Variants in CRACR2A observed in about 807,000 individuals in gnomAD.
The protein encoded by CRACR2A is EF-hand calcium-binding domain-containing protein 4B.
Under a neutral mutation model 90.5 loss-of-function variants are expected in CRACR2A, and 79 were observed. That is an observed-to-expected ratio of 0.87 (90% CI 0.73 to 1.05). The LOEUF is 1.05. CRACR2A is among the 50% of genes least tolerant of loss of function. The pLI, the probability that CRACR2A is intolerant of heterozygous loss-of-function variation, is 0.00. For synonymous variants in CRACR2A, 338 were observed against 356.7 expected (o/e 0.95, Z 0.59); for missense variants, 823 against 897.2 (o/e 0.92, Z 1.06).
chr12:3,752,544 C>T (rs1229246667), intron 1 of CRACR2A: 3 of 152,518 alleles, frequency 2.0e-5, no homozygotes, highest in Non-Finnish European at 2.9e-5. Flanking sequence ...GTCTTTCTGA[C>T]TGTCTGTCTC....
At chr12:3,655,400 C>A (rs1944883659) in intron 9 of CRACR2A, among the ~76,000 whole-genome samples, 1 of 152,198 alleles carries the variant, frequency 6.6e-6, no homozygotes, top group East Asian at 1.9e-4. Flanking sequence ...AAATTCATAG[C>A]TTGGGTAGCA....
intron 17 of CRACR2A, 97 bp from the exon 18 acceptor site, chr12:3,619,469 A>G: frequency 1.1e-6 from 1 of 905,044 alleles, no homozygotes; most frequent in African/African-American, 1.7e-5. Context: ...ACCTCGCTTG[A>G]GAATCCCCTG....
intron 1 of CRACR2A, among the ~76,000 whole-genome samples, chr12:3,744,763 G>T (rs571550824): frequency 1.1e-4 from 16 of 152,140 alleles, no homozygotes; most frequent in Non-Finnish European, 2.2e-4. Context: ...ACATCTGATG[G>T]TGAGGCCATT....
intron 4 of CRACR2A, among the ~76,000 whole-genome samples, chr12:3,686,095 T>C (rs544586350): frequency 2.0e-5 from 3 of 152,190 alleles, no homozygotes; most frequent in Non-Finnish European, 4.4e-5. Flanking sequence ...AACTGTAGCC[T>C]AGAGGGGTTA....
intron 10 of CRACR2A, among the ~76,000 whole-genome samples, chr12:3,653,046 G>A (rs867281424): frequency 2.6e-5 from 4 of 151,842 alleles, no homozygotes; most frequent in South Asian, 2.1e-4. Context: ...GCAGTGGCAC[G>A]ATCTTGGCTC....
chr12:3,729,483 T>C (rs1591716928), intron 2 of CRACR2A: 1 of 152,186 alleles, frequency 6.6e-6, no homozygotes, highest in South Asian at 2.1e-4. Flanking sequence ...GGCAGGCAGG[T>C]CATGAGGTCA....
In CRACR2A at chr12:3,746,679, C is replaced by T. The variant is rs1322095314; in HGVS notation, c.-387+6336G>A. Among the ~76,000 whole-genome samples the T allele has an allele frequency of 2.0e-5, 3 of 152,226 alleles. No homozygotes were observed. The highest frequency in any genetic ancestry group is 7.2e-5 in the African/African-American group (3 of 41,454). ...CCACCCCTCTCTTCTTAGACCAGAC[C>T]CCCTGCAGGACCCTTTGCTGGCACA... On this transcript the variant is annotated intron_variant, in intron 1 of 19. Coordinates refer to ENST00000440314, the MANE Select transcript of CRACR2A (RefSeq NM_001144958.2). The surrounding 1 kb of genome is among the most constrained non-coding windows in gnomAD (Gnocchi z 4.4).
intron 4 of CRACR2A, among the ~76,000 whole-genome samples, chr12:3,696,043 T>A (rs1945734244): frequency 6.6e-6 from 1 of 152,252 alleles, no homozygotes; most frequent in African/African-American, 2.4e-5. Flanking sequence ...CAGTACTTGG[T>A]GACACATGGA....
At chr12:3,701,022 T>A (rs1422844757) in intron 3 of CRACR2A, among the ~76,000 whole-genome samples, 1 of 151,980 alleles carries the variant, frequency 6.6e-6, no homozygotes, top group Non-Finnish European at 1.5e-5. Flanking sequence ...CTGACCACAA[T>A]GGAATTACAT....
At chr12:3,708,510 C>T (rs140539742) in intron 3 of CRACR2A, among the ~76,000 whole-genome samples, 3,748 of 152,218 alleles carry the variant, frequency 0.025, 199 homozygotes, top group Admixed American at 0.14. Context: ...CTACAAGCTC[C>T]GCCTCCCGGG....
intron 2 of CRACR2A, among the ~76,000 whole-genome samples, chr12:3,718,215 C>A (rs886253229): frequency 6.6e-6 from 1 of 152,214 alleles, no homozygotes; most frequent in African/African-American, 2.4e-5. Flanking sequence ...CTATTATCAT[C>A]ATAGGGAAGA....
chr12:3,716,082 TG>T, intron 2 of CRACR2A, among the ~76,000 whole-genome samples: 1 of 150,962 alleles, frequency 6.6e-6, no homozygotes. Context: ...TCTTTTTAGG[TG>T]TTTTTCTTCT....
At chr12:3,635,030 A>G (rs1456681943) in intron 14 of CRACR2A, among the ~76,000 whole-genome samples, 1 of 152,232 alleles carries the variant, frequency 6.6e-6, no homozygotes, top group Non-Finnish European at 1.5e-5. Context: ...AGCACAGTAC[A>G]GGATAGGGAA....
chr12:3,626,658 C>T (rs927095605), intron 17 of CRACR2A, among the ~76,000 whole-genome samples: 1 of 152,148 alleles, frequency 6.6e-6, no homozygotes, highest in African/African-American at 2.4e-5. Context: ...GGACATCCTG[C>T]TTGGCTGTTC....
At chr12:3,643,805 T>TTA (rs200457956) in intron 12 of CRACR2A, among the ~76,000 whole-genome samples, 2 of 109,942 alleles carry the variant, frequency 1.8e-5, no homozygotes, top group Non-Finnish European at 3.4e-5. Flanking sequence ...ATAATATATA[T>TTA]TATATATATA....
chr12:3,741,637 C>T (rs572344165), intron 1 of CRACR2A, among the ~76,000 whole-genome samples: 2 of 152,270 alleles, frequency 1.3e-5, no homozygotes, highest in Admixed American at 1.3e-4. Flanking sequence ...ATAAAACACG[C>T]TCTTCCTCCC....
At position 3,709,908 on chromosome 12, in the gene CRACR2A, T is replaced by C. The variant is rs371106648; in HGVS notation, c.-37+3329A>G. On this transcript the variant is annotated intron_variant, in intron 3 of 19. Coordinates refer to ENST00000440314, the MANE Select transcript of CRACR2A (RefSeq NM_001144958.2). Reference sequence around the variant, plus strand: ...CACCCAGCATATCGAAAATACCTGATACAATATGGACTACATGGTAGCTGA... The same window carrying C: ...CACCCAGCATATCGAAAATACCTGACACAATATGGACTACATGGTAGCTGA... Among the ~76,000 whole-genome samples, 6 of 152,384 alleles carry C rather than the reference T, an allele frequency of 3.9e-5. No individual in the cohort carries two copies. In the East Asian group the frequency reaches 9.6e-4, roughly 24 times the overall value.
chr12:3,630,423 G>A (rs548287491), intron 15 of CRACR2A, among the ~76,000 whole-genome samples: 1 of 152,180 alleles, frequency 6.6e-6, no homozygotes, highest in African/African-American at 2.4e-5. Context: ...ACCCTAGGGG[G>A]CTGCTGCAGG....
intron 9 of CRACR2A, among the ~76,000 whole-genome samples, chr12:3,655,598 C>T (rs1210989722): frequency 6.6e-6 from 1 of 152,226 alleles, no homozygotes; most frequent in Non-Finnish European, 1.5e-5. Context: ...CCCTCAGGAG[C>T]CCTTGCTAAG....
Sources: gnomAD v4.1 joint callset for allele counts (sites outside exome capture counted in the v4.1 genomes callset) on GRCh38, gnomAD v4.1.1 for gene constraint, Gnocchi (gnomAD v3.1) non-coding constraint, MANE v1.5 for transcripts, NCBI Gene and HGNC (gene_info 2026-07-23, HGNC 2026-07-21) for gene names.